TMEM135: variants seen among roughly 807,000 people sequenced by gnomAD.
The protein encoded by TMEM135 is peroxisomal membrane protein 52.
A neutral mutation model predicts 60.3 loss-of-function variants in TMEM135; 30 were observed. The ratio of observed to expected loss-of-function variants is 0.50; its 90% confidence interval spans 0.37 to 0.68. The LOEUF (loss-of-function observed/expected upper bound fraction) is 0.68. TMEM135 is among the 30% of genes least tolerant of loss of function. The pLI, the probability that TMEM135 is intolerant of heterozygous loss-of-function variation, is 0.00. For missense variants in TMEM135, 468 were observed against 548.8 expected, an observed-to-expected ratio of 0.85 and a Z score of 1.47; for synonymous variants, 190 against 186.7, an observed-to-expected ratio of 1.02 and a Z score of -0.14.
chr11:87,181,405 A>C (rs1310199781), intron 5 of TMEM135, among the ~76,000 whole-genome samples: 1 of 152,204 alleles, frequency 6.6e-6, no homozygotes, highest in Non-Finnish European at 1.5e-5. Context: ...TACAGAAAAA[A>C]TACTGAAGAA....
intron 4 of TMEM135, chr11:87,095,862 GC>G (rs1857313442): frequency 6.5e-6 from 1 of 153,300 alleles, no homozygotes; most frequent in South Asian, 2.0e-4. Flanking sequence ...TGTAGTCCCA[GC>G]CACTCAGGAG....
intron 7 of TMEM135, among the ~76,000 whole-genome samples, chr11:87,300,428 T>G (rs929585928): frequency 1.3e-5 from 2 of 152,170 alleles, no homozygotes; most frequent in Non-Finnish European, 2.9e-5. Context: ...TAGCTTAGTG[T>G]TTAAGAAGCC....
intron 6 of TMEM135, among the ~76,000 whole-genome samples, chr11:87,291,678 G>A (rs1447018656): frequency 6.6e-6 from 1 of 151,702 alleles, no homozygotes; most frequent in African/African-American, 2.4e-5. Context: ...AAGTAGCTGG[G>A]ATTACAGGCA....
intron 1 of TMEM135, among the ~76,000 whole-genome samples, chr11:87,059,895 C>A (rs1949930071): frequency 6.6e-6 from 1 of 152,198 alleles, no homozygotes; most frequent in Admixed American, 6.5e-5. Flanking sequence ...GCAGACAGAT[C>A]ACGAGGTCAG....
At chr11:87,140,320 G>A (rs1319760459) in intron 4 of TMEM135, among the ~76,000 whole-genome samples, 1 of 152,178 alleles carries the variant, frequency 6.6e-6, no homozygotes, top group African/African-American at 2.4e-5. Context: ...GCCTGCCATG[G>A]CCTCCCAAAG....
At chr11:87,188,658 C>T (rs113006176) in intron 5 of TMEM135, among the ~76,000 whole-genome samples, 66 of 150,772 alleles carry the variant, frequency 4.4e-4, no homozygotes, top group African/African-American at 1.1e-3. Context: ...GGGCCAGGAT[C>T]GCGCCATTGC....
intron 7 of TMEM135, among the ~76,000 whole-genome samples, chr11:87,299,163 A>C (rs1942402152): frequency 6.6e-6 from 1 of 152,212 alleles, no homozygotes; most frequent in African/African-American, 2.4e-5. Context: ...AATCACTTGT[A>C]TTAGTCTGTT....
rs1398098757 is a variant in TMEM135, at chr11:87,322,796, G to C, written c.*1463G>C. 4.4e-6 allele frequency: 2 copies of C among 454,304 alleles called. No homozygotes were observed. The highest frequency in any genetic ancestry group is 3.1e-5 in the South Asian group (2 of 64,466). 28.1% of individuals were successfully genotyped at this position (454,304 alleles called of 1,614,324 possible). ...CAAACAGAAACCCAACAAAAAGACA[G>C]ACTCTGGTACTATGGTAACAGAGCC... On this transcript the variant is annotated 3_prime_UTR_variant, in exon 15 of 15. Transcript: ENST00000305494.
intron 5 of TMEM135, among the ~76,000 whole-genome samples, chr11:87,212,856 G>A (rs1205849609): frequency 2.0e-5 from 3 of 147,510 alleles, no homozygotes; most frequent in Non-Finnish European, 3.0e-5. Context: ...TACAAATATT[G>A]TCTAAGAATG....
rs1012632992 is a variant in TMEM135, at chr11:87,325,788, G to A, written c.*4455G>A. On this transcript the variant is annotated 3_prime_UTR_variant, in exon 15 of 15. Transcript: ENST00000305494. ...TATGGAAGGAGATGTTTCTCTGTAT[G>A]TGAAGCCTTTAAATCCAGAACAATT... 4.4e-6 allele frequency: 2 copies of A among 453,944 alleles called. No individual in the cohort carries two copies. The highest frequency in any genetic ancestry group is 8.8e-6 in the Non-Finnish European group (2 of 226,770). The allele number at this position is 453,944 out of a possible 1,614,324, so 28.1% of individuals were successfully genotyped here. A position where few individuals can be genotyped will look rare whatever the true frequency, so the allele number is the denominator to read the frequency against.
intron 6 of TMEM135, among the ~76,000 whole-genome samples, chr11:87,279,636 G>A (rs2054914): frequency 0.37 from 55,706 of 152,034 alleles, 10,871 homozygotes; most frequent in Non-Finnish European, 0.43. Context: ...TTGTTGAACA[G>A]ATATATGATT....
intron 1 of TMEM135, among the ~76,000 whole-genome samples, chr11:87,054,217 C>G (rs560551179): frequency 3.3e-5 from 5 of 151,996 alleles, no homozygotes; most frequent in Non-Finnish European, 5.9e-5. Flanking sequence ...GGCAGATCAC[C>G]TGAGGTCAGG....
chr11:87,301,092 C>T (rs1942439480), intron 7 of TMEM135, among the ~76,000 whole-genome samples: 1 of 152,176 alleles, frequency 6.6e-6, no homozygotes, highest in African/African-American at 2.4e-5. Context: ...TCACAGCTGC[C>T]ATCTGGTGAC....
At chr11:87,104,180 A>C (rs1261053536) in intron 4 of TMEM135, among the ~76,000 whole-genome samples, 4 of 152,138 alleles carry the variant, frequency 2.6e-5, no homozygotes, top group African/African-American at 7.2e-5. Context: ...CCGTTTATTG[A>C]GGAGACTTGT....
Position 87,135,674 on chromosome 11 carries a change from T to G in TMEM135, c.397-21667T>G, listed in dbSNP as rs1259252153. Among the ~76,000 whole-genome samples the G allele has an allele frequency of 8.6e-5, 13 of 152,038 alleles. 1 individual carries two copies. Among genetic ancestry groups the G allele is most frequent in the Non-Finnish European group, 1.9e-4 (13 of 67,932 alleles). Reference sequence around the variant, plus strand: ...GATAACTGTAGCAGTCATGTAGTATTAGTCTTCCAATTATATTCTCTTTAA... The same window carrying G: ...GATAACTGTAGCAGTCATGTAGTATGAGTCTTCCAATTATATTCTCTTTAA... On this transcript the variant is annotated intron_variant, in intron 4 of 14. Transcript: ENST00000305494.
chr11:87,308,631 T>C (rs910398334), intron 9 of TMEM135, among the ~76,000 whole-genome samples: 1 of 152,190 alleles, frequency 6.6e-6, no homozygotes, highest in African/African-American at 2.4e-5. Flanking sequence ...GGGACACCGG[T>C]TTTAACAATG....
chr11:87,047,565 G>A (rs1379501961), intron 1 of TMEM135, among the ~76,000 whole-genome samples: 5 of 88,480 alleles, frequency 5.7e-5, no homozygotes, highest in African/African-American at 2.2e-4. Flanking sequence ...GGACGCACCT[G>A]GAAAATCGGG....
chr11:87,223,772 C>T (rs897329902), intron 5 of TMEM135, among the ~76,000 whole-genome samples: 2 of 151,710 alleles, frequency 1.3e-5, no homozygotes, highest in African/African-American at 4.8e-5. Flanking sequence ...ATCGCTTGAA[C>T]TTGGGAGGCA....
chr11:87,324,509 ATT>A lies in TMEM135; in HGVS notation c.*3177_*3178del, dbSNP rs1411933839. 1 of 453,448 alleles carries A rather than the reference ATT, an allele frequency of 2.2e-6. No individual in the cohort carries two copies. The highest frequency in any genetic ancestry group is 2.0e-5 in the African/African-American group (1 of 49,922). 28.1% of individuals were successfully genotyped at this position (453,448 alleles called of 1,614,324 possible). ...CAATCATAGCTCATTGAAACCTCAA[ATT>A]CCTTGGTTCAAGCAATTATTTCCCC... On this transcript the variant is annotated 3_prime_UTR_variant, in exon 15 of 15. Transcript: ENST00000305494.
Sources: allele counts gnomAD v4.1 joint callset (sites outside exome capture counted in the v4.1 genomes callset), GRCh38; gene constraint gnomAD v4.1.1; transcripts MANE v1.5; gene names NCBI Gene and HGNC (gene_info 2026-07-23, HGNC 2026-07-21).